The following DPP10 variants were observed in gnomAD, a reference collection of about 807,000 sequenced individuals.
DPP10 encodes the protein inactive dipeptidyl peptidase 10.
DPP10 carries 33 observed loss-of-function variants against 120.9 expected under a neutral mutation model. The observed-to-expected ratio is 0.27, with a 90% CI of 0.21 to 0.37. The LOEUF (loss-of-function observed/expected upper bound fraction) is 0.37, where lower values mean the gene tolerates loss of function less well. Ranked by LOEUF, DPP10 falls within the 10% of genes least tolerant of loss-of-function variation. The pLI, the probability that DPP10 is intolerant of heterozygous loss-of-function variation, is 1.00. For synonymous variants in DPP10, 337 were observed against 326.1 expected, an observed-to-expected ratio of 1.03 and a Z score of -0.36; for missense variants, 816 against 942.8, an observed-to-expected ratio of 0.87 and a Z score of 1.76.
chr2:114,710,479 T>A (rs1700954943), intron 1 of DPP10, among the ~76,000 whole-genome samples: 1 of 152,246 alleles, frequency 6.6e-6, no homozygotes, highest in African/African-American at 2.4e-5. Context: ...GCATAGTGGC[T>A]CATGCCTGTA....
intron 17 of DPP10, among the ~76,000 whole-genome samples, chr2:115,783,165 T>C (rs776762436): frequency 6.6e-6 from 1 of 151,680 alleles, no homozygotes; most frequent in African/African-American, 2.4e-5. Flanking sequence ...TAATGGCTCA[T>C]ATTTATTGAC....
At chr2:115,147,922 C>G (rs1204331342) in intron 1 of DPP10, among the ~76,000 whole-genome samples, 1 of 152,100 alleles carries the variant, frequency 6.6e-6, no homozygotes, top group Non-Finnish European at 1.5e-5. Flanking sequence ...CGTTTGGACC[C>G]TCAGACACAG....
At chr2:115,727,700 C>T (rs2092799228) in intron 7 of DPP10, 116 bp from the exon 8 acceptor site, 1 of 1,171,870 alleles carries the variant, frequency 8.5e-7, no homozygotes, top group African/African-American at 1.6e-5. Flanking sequence ...ATAAAAACAA[C>T]TTGAAGCCCG....
chr2:115,519,975 A>G (rs954006004), intron 4 of DPP10, among the ~76,000 whole-genome samples: 1 of 152,230 alleles, frequency 6.6e-6, no homozygotes, highest in Non-Finnish European at 1.5e-5. Flanking sequence ...GGTATCAAAA[A>G]ACTAATAATG....
At chr2:115,707,406 GAAAC>G (rs1298015892) in intron 7 of DPP10, among the ~76,000 whole-genome samples, 1 of 137,542 alleles carries the variant, frequency 7.3e-6, no homozygotes, top group African/African-American at 2.7e-5. Flanking sequence ...AATTAAGTAA[GAAAC>G]AAACAAATTT....
intron 1 of DPP10, among the ~76,000 whole-genome samples, chr2:115,113,140 C>G (rs1310958217): frequency 6.6e-6 from 1 of 151,248 alleles, no homozygotes; most frequent in Non-Finnish European, 1.5e-5. Context: ...ATAATCATAA[C>G]ATGTAATATT....
intron 1 of DPP10, among the ~76,000 whole-genome samples, chr2:115,096,547 A>G (rs1709759573): frequency 2.6e-5 from 4 of 152,124 alleles, no homozygotes; most frequent in Admixed American, 2.0e-4. Context: ...TAATACATTC[A>G]TATACATATA....
At chr2:114,651,615 A>G (rs1006968992) in intron 1 of DPP10, among the ~76,000 whole-genome samples, 11 of 152,194 alleles carry the variant, frequency 7.2e-5, no homozygotes, top group Non-Finnish European at 1.5e-4. Flanking sequence ...AACTGGTTGC[A>G]TGTTAAAATC....
chr2:115,568,741 C>G (rs1422155560), intron 5 of DPP10, among the ~76,000 whole-genome samples: 1 of 152,066 alleles, frequency 6.6e-6, no homozygotes, highest in South Asian at 2.1e-4. Flanking sequence ...ATGCTTCGCC[C>G]AGGCTAAGCT....
intron 2 of DPP10, among the ~76,000 whole-genome samples, chr2:115,329,570 A>C (rs879906187): frequency 8.5e-5 from 13 of 152,048 alleles, no homozygotes; most frequent in South Asian, 6.2e-4. Context: ...ATATCTCCTA[A>C]TGCTATCCCT....
intron 3 of DPP10, among the ~76,000 whole-genome samples, chr2:115,364,451 G>C (rs568918150): frequency 2.0e-5 from 3 of 152,044 alleles, no homozygotes; most frequent in African/African-American, 7.2e-5. Context: ...AAGAGGAGCC[G>C]TTGTTGCTTG....
intron 5 of DPP10, among the ~76,000 whole-genome samples, chr2:115,583,841 G>A (rs2082137663): frequency 6.6e-6 from 1 of 152,146 alleles, no homozygotes; most frequent in Non-Finnish European, 1.5e-5. Context: ...ATCTGATCTG[G>A]TCACAGTCTG....
At chr2:114,512,137 C>T (rs987443705) in intron 1 of DPP10, among the ~76,000 whole-genome samples, 2 of 152,160 alleles carry the variant, frequency 1.3e-5, no homozygotes, top group African/African-American at 4.8e-5. Context: ...AGTAAGGCTG[C>T]TCTTGACTTT....
At chr2:114,730,400 A>T (rs542166744) in intron 1 of DPP10, among the ~76,000 whole-genome samples, 42 of 152,326 alleles carry the variant, frequency 2.8e-4, no homozygotes, top group African/African-American at 9.4e-4. Context: ...GGCCTTCAGG[A>T]GGGACAGTAC....
At chr2:115,100,503 A>G (rs11893890) in intron 1 of DPP10, among the ~76,000 whole-genome samples, 40,355 of 151,964 alleles carry the variant, frequency 0.27, 5,760 homozygotes, top group Non-Finnish European at 0.31. Flanking sequence ...ATAAAGGAAT[A>G]TATAAGAATT....
intron 1 of DPP10, among the ~76,000 whole-genome samples, chr2:114,526,175 C>T (rs1685482577): frequency 6.6e-6 from 1 of 152,158 alleles, no homozygotes; most frequent in African/African-American, 2.4e-5. Flanking sequence ...GCTGTGCCAG[C>T]CAAGGGGACA....
chr2:115,589,439 G>A (rs1463414324), intron 5 of DPP10, among the ~76,000 whole-genome samples: 1 of 152,120 alleles, frequency 6.6e-6, no homozygotes, highest in Admixed American at 6.6e-5. Context: ...CAACTTGGAG[G>A]GAAAGAACCT....
intron 5 of DPP10, among the ~76,000 whole-genome samples, chr2:115,576,693 G>GTCTAA (rs147709427): frequency 0.027 from 4,154 of 152,202 alleles, 88 homozygotes; most frequent in Middle Eastern, 0.041. Flanking sequence ...AGTTGACAAT[G>GTCTAA]TCTACATTAC....
At chr2:115,212,816 C>G (rs959755511) in intron 1 of DPP10, among the ~76,000 whole-genome samples, 1 of 151,954 alleles carries the variant, frequency 6.6e-6, no homozygotes, top group Non-Finnish European at 1.5e-5. Flanking sequence ...TTAAAGTAGC[C>G]TGGTTATGCA....
Sources: allele counts gnomAD v4.1 joint callset (sites outside exome capture counted in the v4.1 genomes callset), GRCh38; gene constraint gnomAD v4.1.1; transcripts MANE v1.5; gene names NCBI Gene and HGNC (gene_info 2026-07-23, HGNC 2026-07-21).